Variants in MBNL1 observed in about 807,000 individuals in gnomAD.
MBNL1 encodes the protein muscleblind like splicing regulator 1.
A neutral mutation model predicts 42.2 loss-of-function variants in MBNL1; 8 were observed. The ratio of observed to expected loss-of-function variants is 0.19; its 90% CI spans 0.11 to 0.34. MBNL1 has a LOEUF of 0.34. Among genes scored for constraint, MBNL1 ranks in the 10% least tolerant of loss-of-function variants. MBNL1 has a pLI of 1.00. For synonymous variants in MBNL1, 169 were observed against 173.9 expected, an observed-to-expected ratio of 0.97 and a Z score of 0.22; for missense variants, 309 against 495.3, an observed-to-expected ratio of 0.62 and a Z score of 3.57.
intron 3 of MBNL1, among the ~76,000 whole-genome samples, chr3:152,419,003 A>G (rs2098753263): frequency 6.6e-6 from 1 of 152,158 alleles, no homozygotes; most frequent in Non-Finnish European, 1.5e-5. Context: ...GGCGTGAGCC[A>G]TCATGCCCAG....
chr3:152,458,125 G>C, intron 8 of MBNL1: 1 of 1,613,610 alleles, frequency 6.2e-7, no homozygotes, highest in Non-Finnish European at 8.5e-7. Flanking sequence ...GGTATGTTTC[G>C]ACAGCCCCAT....
intron 8 of MBNL1, chr3:152,458,052 C>A: frequency 8.5e-7 from 1 of 1,175,594 alleles, no homozygotes. Flanking sequence ...AAAATGCAGC[C>A]TGCATGCATG....
At chr3:152,442,211 T>C (rs1177755429) in intron 4 of MBNL1, among the ~76,000 whole-genome samples, 2 of 152,208 alleles carry the variant, frequency 1.3e-5, no homozygotes, top group Non-Finnish European at 2.9e-5. Flanking sequence ...GAATATTACT[T>C]GTAATATGGA....
chr3:152,288,884 A>G (rs2054193948), intron 1 of MBNL1, among the ~76,000 whole-genome samples: 1 of 152,214 alleles, frequency 6.6e-6, no homozygotes, highest in Non-Finnish European at 1.5e-5. Flanking sequence ...TAGCTGCTAT[A>G]TGAGGGCTAA....
At chr3:152,420,799 G>A (rs2098792018) in intron 3 of MBNL1, among the ~76,000 whole-genome samples, 1 of 152,154 alleles carries the variant, frequency 6.6e-6, no homozygotes, top group Non-Finnish European at 1.5e-5. Flanking sequence ...GGCTTCAGAA[G>A]GTGAGTAATA....
At chr3:152,260,887 C>T (rs1322371077) in intron 2 of MBNL1, among the ~76,000 whole-genome samples, 3 of 152,154 alleles carry the variant, frequency 2.0e-5, no homozygotes, top group African/African-American at 7.2e-5. Context: ...TTTAGCTATC[C>T]ACAGCTAGTC....
At chr3:152,301,441 T>C (rs914002311) in intron 2 of MBNL1, among the ~76,000 whole-genome samples, 2 of 152,312 alleles carry the variant, frequency 1.3e-5, no homozygotes, top group East Asian at 1.9e-4. Context: ...TCTTTAAAAA[T>C]ATATGGTGCT....
intron 2 of MBNL1, among the ~76,000 whole-genome samples, chr3:152,386,568 G>A (rs995612228): frequency 1.3e-5 from 2 of 152,008 alleles, no homozygotes; most frequent in Non-Finnish European, 2.9e-5. Context: ...TCATGGTCAA[G>A]GATTTATTTT....
chr3:152,279,876 C>G (rs1252854199), intron 1 of MBNL1, among the ~76,000 whole-genome samples: 4 of 152,154 alleles, frequency 2.6e-5, no homozygotes, highest in African/African-American at 7.2e-5. Flanking sequence ...TCTCTGCTCT[C>G]TGTAACTTTA....
In MBNL1 at chr3:152,299,461, G is replaced by C; in HGVS notation, c.-733G>C. 2.7e-6 allele frequency: 1 copy of C among 375,128 alleles called. No individual in the cohort carries two copies. Among genetic ancestry groups the C allele is most frequent in the Non-Finnish European group, 4.7e-6 (1 of 211,744 alleles). 23.2% of individuals were successfully genotyped at this position (375,128 alleles called of 1,614,324 possible). A position where few individuals can be genotyped will look rare whatever the true frequency, so the allele number is the denominator to read the frequency against. On this transcript the variant is annotated 5_prime_UTR_variant, in exon 2 of 10. Transcript: ENST00000324210. ...TCTGCTGCTTGGAACCGCTTCTAGA[G>C]CAGTCTCTGCTTTTGCCTTGCTTGC...
intron 3 of MBNL1, among the ~76,000 whole-genome samples, chr3:152,431,113 C>G (rs1041104965): frequency 6.6e-6 from 1 of 152,178 alleles, no homozygotes; most frequent in Non-Finnish European, 1.5e-5. Flanking sequence ...GAAGAGTTCC[C>G]TAAGAAAGGC....
intron 2 of MBNL1, chr3:152,262,521 A>G (rs1234796819): frequency 6.6e-6 from 1 of 152,200 alleles, no homozygotes; most frequent in Non-Finnish European, 1.5e-5. Context: ...ACAATGAGTA[A>G]GTAGATAGAT....
At chr3:152,422,171 G>A (rs1359159610) in intron 3 of MBNL1, among the ~76,000 whole-genome samples, 2 of 149,652 alleles carry the variant, frequency 1.3e-5, no homozygotes, top group African/African-American at 4.9e-5. Context: ...TCAGTGTGCT[G>A]TATTCAGGAT....
rs980944512 is a variant in MBNL1, at chr3:152,465,624, T to C, written c.*3258T>C. 1.3e-5 allele frequency: 2 copies of C among 152,654 alleles called. No homozygotes were observed. The highest frequency in any genetic ancestry group is 2.9e-5 in the Non-Finnish European group (2 of 68,040). The allele number at this position is 152,654 out of a possible 1,614,324, so 9.5% of individuals were successfully genotyped here. On this transcript the variant is annotated 3_prime_UTR_variant, in exon 10 of 10. Coordinates refer to ENST00000324210, the MANE Select transcript of MBNL1 (RefSeq NM_021038.5). ...TGTGCTTGGTTTTACTATTATGTAA[T>C]CACAACTTACTTTCTGCTTGTAGTT...
intron 2 of MBNL1, among the ~76,000 whole-genome samples, chr3:152,409,369 A>G (rs1040068791): frequency 2.6e-5 from 4 of 152,184 alleles, no homozygotes; most frequent in African/African-American, 7.2e-5. Flanking sequence ...GCAGAGCCAT[A>G]AAAAACATTT....
intron 3 of MBNL1, among the ~76,000 whole-genome samples, chr3:152,420,167 G>T (rs1044338793): frequency 2.6e-5 from 4 of 152,170 alleles, no homozygotes; most frequent in African/African-American, 9.7e-5. Context: ...GGGAAGGGGC[G>T]GCTGTGGGCG....
rs143791403 is a variant in MBNL1 at position 152,262,125 on chromosome 3, C to T, written n.333+17685C>T. ...CCCCAGTGCCAAGCACAGCCCTTGG[C>T]ACATAATCAGCAGTCAATGACTATG... On this transcript the variant is annotated intron_variant and non_coding_transcript_variant, in intron 2 of 2. Coordinates refer to the MBNL1 transcript ENST00000477171. Among the ~76,000 whole-genome samples the T allele has an allele frequency of 5.9e-5, 9 of 152,260 alleles. No homozygotes were observed. The East Asian group carries it at 1.2e-3, about 20-fold the overall frequency.
At chr3:152,433,726 G>A (rs1301648937) in intron 4 of MBNL1, among the ~76,000 whole-genome samples, 4 of 149,968 alleles carry the variant, frequency 2.7e-5, no homozygotes, top group Non-Finnish European at 1.5e-5. Flanking sequence ...CTCCAGCCTG[G>A]GCGACAGAGC....
intron 2 of MBNL1, among the ~76,000 whole-genome samples, chr3:152,338,910 A>AT (rs961740891): frequency 1.3e-4 from 20 of 151,902 alleles, no homozygotes; most frequent in South Asian, 2.1e-4. Flanking sequence ...TAAATATTCA[A>AT]TTTTTTTTAT....
Sources: allele counts gnomAD v4.1 joint callset (sites outside exome capture counted in the v4.1 genomes callset), GRCh38; gene constraint gnomAD v4.1.1; transcripts MANE v1.5; gene names NCBI Gene and HGNC (gene_info 2026-07-23, HGNC 2026-07-21).